The following BRWD3 variants were observed in gnomAD, a reference collection of about 807,000 sequenced individuals.
BRWD3 encodes the protein bromodomain and WD repeat domain containing 3, also known as bromodomain and WD repeat-containing protein 3.
In BRWD3, 10 loss-of-function variants were observed where a neutral mutation model predicts 149.7. The observed-to-expected ratio is 0.07, with a 90% confidence interval of 0.04 to 0.11. The LOEUF is 0.11. Ranked by LOEUF, BRWD3 falls within the 10% of genes least tolerant of loss-of-function variation. BRWD3 has a pLI of 1.00. For missense variants in BRWD3, 940 were observed against 1,373.2 expected, an observed-to-expected ratio of 0.68 and a Z score of 4.99; for synonymous variants, 504 against 456.7, an observed-to-expected ratio of 1.10 and a Z score of -1.32.
intron 8 of BRWD3, among the ~76,000 whole-genome samples, chrX:80,736,449 A>T (rs1923515458): frequency 8.9e-6 from 1 of 111,904 alleles, no homozygotes; most frequent in Non-Finnish European, 1.9e-5. Flanking sequence ...ATATACACTT[A>T]TAGAAACAAC....
intron 14 of BRWD3, among the ~76,000 whole-genome samples, chrX:80,725,631 T>A (rs188873117): frequency 1.8e-5 from 2 of 111,796 alleles, no homozygotes; most frequent in Non-Finnish European, 3.8e-5. Flanking sequence ...ATGTTATATG[T>A]CTATATAACA....
chrX:80,719,547 T>C lies in BRWD3; in HGVS notation c.1986A>G (p.Leu662=). ...RELQREQDLR[L]INEGDVPHLP... ...AATGTGGAACATCTCCTTCATTAAT[T>C]AGTCTCAGGTCTTGTTCTCTCTGCA... is the stretch of plus-strand genomic sequence containing the variant. Residue 662 remains leucine, a synonymous_variant, in exon 18 of 41, where the codon CTA becomes CTG. Coordinates refer to ENST00000373275, the MANE Select transcript of BRWD3 (RefSeq NM_153252.5). 1.7e-6 allele frequency: 2 copies of C among 1,208,856 alleles called. No individual in the cohort carries two copies. Among genetic ancestry groups the C allele is most frequent in the Non-Finnish European group, 1.1e-6 (1 of 893,180 alleles).
chrX:80,758,838 A>T (rs937797872), intron 6 of BRWD3, among the ~76,000 whole-genome samples: 1 of 111,960 alleles, frequency 8.9e-6, no homozygotes. Context: ...ATGGTAATCC[A>T]TGAAATAAAG....
At chrX:80,771,944 C>A (rs1327484672) in intron 6 of BRWD3, among the ~76,000 whole-genome samples, 2 of 111,186 alleles carry the variant, frequency 1.8e-5, no homozygotes, top group East Asian at 2.8e-4. Context: ...GTTAGAATGG[C>A]GATCATTAAT....
chrX:80,723,215 G>C (rs1439157712), intron 16 of BRWD3, among the ~76,000 whole-genome samples: 1 of 111,120 alleles, frequency 9.0e-6, no homozygotes, highest in Non-Finnish European at 1.9e-5. Flanking sequence ...ACTCAAACCT[G>C]ATATTAATGC....
chrX:80,727,570 A>C (rs1569264036), intron 14 of BRWD3, among the ~76,000 whole-genome samples: 1 of 111,323 alleles, frequency 9.0e-6, no homozygotes, highest in African/African-American at 3.3e-5. Flanking sequence ...ATTTCCTACC[A>C]TGTAGAGGCA....
intron 10 of BRWD3, among the ~76,000 whole-genome samples, chrX:80,734,840 C>T (rs982065737): frequency 9.1e-6 from 1 of 110,037 alleles, no homozygotes; most frequent in Admixed American, 9.7e-5. Flanking sequence ...GTGTTGATTG[C>T]GGGGCAGTAA....
At chrX:80,750,460 T>C (rs746750099) in intron 6 of BRWD3, among the ~76,000 whole-genome samples, 279 of 110,754 alleles carry the variant, frequency 2.5e-3, no homozygotes, top group Middle Eastern at 9.3e-3. Flanking sequence ...AAATGGCCAA[T>C]GGATATACGA....
chrX:80,734,457 G>A (rs749511326), intron 10 of BRWD3, among the ~76,000 whole-genome samples: 2 of 111,480 alleles, frequency 1.8e-5, no homozygotes, highest in South Asian at 7.5e-4. Context: ...AAACATTAAA[G>A]AACACATCCT....
chrX:80,809,025 G>C lies in BRWD3; in HGVS notation c.108C>G (p.Leu36=). The C allele has an allele frequency of 8.4e-7, 1 of 1,195,014 alleles. No individual in the cohort carries two copies. Among genetic ancestry groups the C allele is most frequent in the Non-Finnish European group, 1.1e-6 (1 of 887,236 alleles). ...AGGGGCTCCGTACCTGATGCTCCTC[G>C]AGCTCCTGCACTAGCACCTGAGCAA... ...NKSAQVLVQE[L]EEHQLIPRRL... The change falls in exon 3 of 41, where the codon CTC becomes CTG. Residue 36 remains leucine (L), a synonymous_variant. Coordinates refer to ENST00000373275, the MANE Select transcript of BRWD3 (RefSeq NM_153252.5).
chrX:80,701,241 C>A (rs1221244992), intron 24 of BRWD3, among the ~76,000 whole-genome samples: 1 of 110,277 alleles, frequency 9.1e-6, no homozygotes, highest in Non-Finnish European at 1.9e-5. Context: ...AGTTTCTTTT[C>A]CTCAAGTTTA....
chrX:80,688,225 T>A, intron 33 of BRWD3, 100 bp from the exon 34 acceptor site: 1 of 711,495 alleles, frequency 1.4e-6, no homozygotes, highest in Non-Finnish European at 2.2e-6. Flanking sequence ...AAATCACAGT[T>A]AACTTTCCCC....
chrX:80,712,438 C>T (rs1268507812), intron 20 of BRWD3, among the ~76,000 whole-genome samples: 3 of 107,209 alleles, frequency 2.8e-5, no homozygotes, highest in Non-Finnish European at 3.8e-5. Flanking sequence ...GACGGAGTCT[C>T]GTTCACTCAG....
At chrX:80,709,669 G>T in intron 20 of BRWD3, 92 bp from the exon 21 acceptor site, 1 of 770,669 alleles carries the variant, frequency 1.3e-6, no homozygotes. Flanking sequence ...GGGGGGTAGG[G>T]GTGAGTAGGA....
At chrX:80,765,751 A>G (rs2073851837) in intron 6 of BRWD3, among the ~76,000 whole-genome samples, 1 of 111,798 alleles carries the variant, frequency 8.9e-6, no homozygotes, top group Non-Finnish European at 1.9e-5. Context: ...CATTGTATTT[A>G]TGTTACAAGC....
At position 80,677,152 on chromosome X, in the gene BRWD3, G is replaced by A. The variant is rs1308815231; in HGVS notation, c.4866C>T (p.Asp1622=). Reference sequence around the variant, plus strand: ...TTCTGGAAGTTGATTCAGAGTCAGAGTCAGAACCACAGGTACTTTCAGAAC... The same window carrying A: ...TTCTGGAAGTTGATTCAGAGTCAGAATCAGAACCACAGGTACTTTCAGAAC... ...SLSSESTCGS[D]SDSESTSRTD... Residue 1622 remains aspartate (D), a synonymous_variant, in exon 41 of 41, where the codon GAC becomes GAT. Transcript: ENST00000373275. The A allele has an allele frequency of 2.5e-6, 3 of 1,211,705 alleles. No individual in the cohort carries two copies. Among genetic ancestry groups the A allele is most frequent in the East Asian group, 3.0e-5 (1 of 33,847 alleles).
At chrX:80,681,633 A>G (rs1406819645) in intron 39 of BRWD3, 134 bp from the exon 40 acceptor site, 1 of 553,353 alleles carries the variant, frequency 1.8e-6, no homozygotes, top group Non-Finnish European at 2.9e-6. Context: ...AGAAAATGAT[A>G]TGAATATTTT....
Position 80,728,762 on chromosome X carries a change from T to C in BRWD3, c.1376A>G (p.His459Arg). ...VWNSITGQLLHTLSGHDDEVF... is the reference protein window; with the variant it reads ...VWNSITGQLLRTLSGHDDEVF... ...AAATAAAATACTTACAGATAATGTA[T>C]GAAGAAGCTGTCCTGTGATAGAATT... The change falls in exon 14 of 41, where the codon CAT becomes CGT. Residue 459 changes from histidine to arginine, a missense_variant. Physicochemically the swap from His to Arg is conservative, Grantham distance 29. Coordinates refer to ENST00000373275, the MANE Select transcript of BRWD3 (RefSeq NM_153252.5). 8.3e-7 allele frequency: 1 copy of C among 1,201,462 alleles called. No homozygotes were observed. The highest frequency in any genetic ancestry group is 1.1e-6 in the Non-Finnish European group (1 of 887,456).
At chrX:80,710,590 A>G in intron 20 of BRWD3, 1 of 478,188 alleles carries the variant, frequency 2.1e-6, no homozygotes, top group South Asian at 2.3e-5. Context: ...ATCTATCATG[A>G]TGATGATGAT....
Sources: gnomAD v4.1 joint callset for allele counts (sites outside exome capture counted in the v4.1 genomes callset) on GRCh38, gnomAD v4.1.1 for gene constraint, MANE v1.5 for transcripts, NCBI Gene and HGNC (gene_info 2026-07-23, HGNC 2026-07-21) for gene names.